HNRNPK: variants seen among roughly 807,000 people sequenced by gnomAD.
The protein encoded by HNRNPK is dC-stretch binding protein.
In HNRNPK, 7 loss-of-function variants were observed where a neutral mutation model predicts 67.0. That is an observed-to-expected ratio of 0.10 (90% CI 0.06 to 0.20). The LOEUF (loss-of-function observed/expected upper bound fraction) is 0.20. Ranked by LOEUF, HNRNPK falls within the 10% of genes least tolerant of loss-of-function variation. The pLI, the probability that HNRNPK is intolerant of heterozygous loss-of-function variation, is 1.00. For missense variants in HNRNPK, 264 were observed against 606.5 expected (o/e 0.44, Z 5.93); for synonymous variants, 213 against 193.7 (o/e 1.10, Z -0.83).
Position 83,969,254 on chromosome 9 carries a change from A to G in HNRNPK, c.*153T>C. 10 of 722,850 alleles carry G rather than the reference A, an allele frequency of 1.4e-5. No homozygotes were observed. The highest frequency in any genetic ancestry group is 2.5e-5 in the Non-Finnish European group (10 of 401,158). The allele number at this position is 722,850 out of a possible 1,614,324, so 44.8% of individuals were successfully genotyped here. On this transcript the variant is annotated 3_prime_UTR_variant, in exon 17 of 17. Transcript: ENST00000376263. Reference sequence around the variant, plus strand: ...ACAGCAAAGATTTCACTACACCTCAAATGCAGAACACCTATGAAGCAGAGG... The same window carrying G: ...ACAGCAAAGATTTCACTACACCTCAGATGCAGAACACCTATGAAGCAGAGG...
intron 1 of HNRNPK, among the ~76,000 whole-genome samples, 177 bp from the exon 2 acceptor site, chr9:83,978,629 A>G (rs1957184605): frequency 6.6e-6 from 1 of 152,182 alleles, no homozygotes; most frequent in Non-Finnish European, 1.5e-5. Context: ...AATTCAAGGG[A>G]GCCTGGTTTC....
At position 83,977,069 on chromosome 9, in the gene HNRNPK, A is replaced by T; in HGVS notation, c.157-18T>A. 6.3e-7 allele frequency: 1 copy of T among 1,596,616 alleles called. No individual in the cohort carries two copies. The highest frequency in any genetic ancestry group is 8.6e-7 in the Non-Finnish European group (1 of 1,164,474). On this transcript the variant is annotated intron_variant, in intron 4 of 16. Transcript: ENST00000376263. Reference sequence around the variant, plus strand: ...CCAGCATTCTGGAGAAGATACAAAGACAAAAAATTATTTTGCCTTTCCCTA... The same window carrying T: ...CCAGCATTCTGGAGAAGATACAAAGTCAAAAAATTATTTTGCCTTTCCCTA...
chr9:83,976,569 A>G (rs1250845179), intron 5 of HNRNPK: 1 of 154,190 alleles, frequency 6.5e-6, no homozygotes, highest in African/African-American at 2.4e-5. Flanking sequence ...GCAAGCTGTT[A>G]AAGAACAGAT....
chr9:83,970,290 T>C lies in HNRNPK; in HGVS notation c.1233A>G (p.Lys411=), dbSNP rs1325357618. The C allele has an allele frequency of 3.1e-6, 5 of 1,613,912 alleles. No homozygotes were observed. The highest frequency in any genetic ancestry group is 4.2e-6 in the Non-Finnish European group (5 of 1,179,858). Residue 411 remains lysine, a synonymous_variant, in exon 16 of 17, where the codon AAA becomes AAG. Coordinates refer to ENST00000376263, the MANE Select transcript of HNRNPK (RefSeq NM_031263.4). The stretch of plus-strand genomic sequence containing the variant: ...AAGCTCCCGACTCATGACGGATTTG[T>C]TTAATCCGCTGACCACCTTTGCCAA... The part of the protein sequence containing the change: ...SIIGKGGQRI[K]QIRHESGASI...
rs767463277 is a variant in HNRNPK at position 83,968,339 on chromosome 9, A to C, written c.*1068T>G. 1 of 152,514 alleles carries C rather than the reference A, an allele frequency of 6.6e-6. No individual in the cohort carries two copies. Among genetic ancestry groups the C allele is most frequent in the Non-Finnish European group, 1.5e-5 (1 of 68,030 alleles). The allele number at this position is 152,514 out of a possible 1,614,324, so 9.4% of individuals were successfully genotyped here. A position where few individuals can be genotyped will look rare whatever the true frequency, so the allele number is the denominator to read the frequency against. ...ATCCAACATACAACAGAGAAATGGT[A>C]CATCTTTTTCTTTCAATTTGCATAC... is the stretch of plus-strand genomic sequence containing the variant. On this transcript the variant is annotated 3_prime_UTR_variant, in exon 17 of 17. Transcript: ENST00000376263.
chr9:83,974,653 T>C (rs1186940921), intron 6 of HNRNPK, 64 bp from the exon 7 acceptor site: 1 of 1,083,090 alleles, frequency 9.2e-7, no homozygotes, highest in Non-Finnish European at 1.4e-6. Flanking sequence ...AGTTTTGTGT[T>C]TGTCACCAAA....
chr9:83,979,561 G>A (rs531589023), intron 1 of HNRNPK, among the ~76,000 whole-genome samples: 1 of 152,098 alleles, frequency 6.6e-6, no homozygotes, highest in African/African-American at 2.4e-5. Context: ...CCGGGTAACA[G>A]GACGGGAAAA....
chr9:83,976,934 A>T (rs1349626916), intron 5 of HNRNPK, 61 bp downstream of exon 5: 3 of 916,110 alleles, frequency 3.3e-6, no homozygotes, highest in Non-Finnish European at 5.1e-6. Context: ...TAAATCTTTA[A>T]ATTTCTATAG....
chr9:83,975,313 CA>C (rs1444064203), intron 6 of HNRNPK, 148 bp downstream of exon 6: 1 of 734,294 alleles, frequency 1.4e-6, no homozygotes. Flanking sequence ...AGTTCAGTGA[CA>C]AAAAGACTTA....
intron 8 of HNRNPK, 59 bp from the exon 9 acceptor site, chr9:83,973,458 T>C: frequency 2.2e-6 from 2 of 904,216 alleles, no homozygotes; most frequent in South Asian, 1.3e-5. Context: ...AATACACACT[T>C]ATCTGCTATA....
intron 8 of HNRNPK, 103 bp from the exon 9 acceptor site, chr9:83,973,502 C>A: frequency 1.4e-6 from 1 of 711,446 alleles, no homozygotes; most frequent in Non-Finnish European, 2.5e-6. Context: ...CAGTGAGCAA[C>A]CTGAATTTAT....
intron 3 of HNRNPK, 46 bp downstream of exon 3, chr9:83,978,146 TTTA>T: frequency 2.4e-6 from 3 of 1,250,998 alleles, no homozygotes; most frequent in Non-Finnish European, 3.5e-6. Flanking sequence ...AAAAAGGCAA[TTTA>T]TTAACAGGAT....
rs115207157 is a variant in HNRNPK, at chr9:83,976,785, G to T, written c.213+210C>A. On this transcript the variant is annotated intron_variant, in intron 5 of 16. Transcript: ENST00000376263. ...TGGACTCTTATTAAAATGTGAAGAG[G>T]TTTGAAAGAAACCACCCCCCCACCC... 9.5e-6 allele frequency: 4 copies of T among 418,980 alleles called. No homozygotes were observed. In the East Asian group the frequency reaches 1.4e-4, roughly 14 times the overall value. 26.0% of individuals were successfully genotyped at this position (418,980 alleles called of 1,614,324 possible).
chr9:83,974,473 C>A, intron 7 of HNRNPK, 44 bp downstream of exon 7: 1 of 925,660 alleles, frequency 1.1e-6, no homozygotes, highest in East Asian at 2.4e-5. Context: ...TTTAAACATT[C>A]CCCCCTCATA....
rs1273392466 is a variant in HNRNPK, at chr9:83,978,275, C to G, written c.-23G>C. 5.6e-6 allele frequency: 9 copies of G among 1,601,348 alleles called. No individual in the cohort carries two copies. Among genetic ancestry groups the G allele is most frequent in the Non-Finnish European group, 4.3e-6 (5 of 1,175,016 alleles). ...CATATTCTTTTATTAAACGGGCACA[C>G]CAATCTGTGGAAAAATAAAGCAGCT... On this transcript the variant is annotated 5_prime_UTR_variant, in exon 3 of 17. Transcript: ENST00000376263.
rs1956994338 is a variant in HNRNPK, at chr9:83,974,619, C to T, written c.258-30G>A. The T allele has an allele frequency of 7.2e-6, 11 of 1,517,680 alleles. 1 individual carries two copies. In the East Asian group the frequency reaches 2.5e-4, roughly 35 times the overall value. 94.0% of individuals were successfully genotyped at this position (1,517,680 alleles called of 1,614,324 possible). On this transcript the variant is annotated intron_variant, in intron 6 of 16. Coordinates refer to ENST00000376263, the MANE Select transcript of HNRNPK (RefSeq NM_031263.4). ...CAAACACCACAAATACCAGATAGTA[C>T]AAAAAAGGTGGAAAAGAAAAATGAG...
intron 10 of HNRNPK, 111 bp from the exon 11 acceptor site, chr9:83,972,300 G>A (rs1956883953): frequency 2.6e-6 from 2 of 772,354 alleles, no homozygotes; most frequent in Non-Finnish European, 4.1e-6. Flanking sequence ...CCCATCAGGA[G>A]GTACTAGAGA....
chr9:83,970,637 T>C, intron 15 of HNRNPK, 100 bp downstream of exon 15: 1 of 835,018 alleles, frequency 1.2e-6, no homozygotes, highest in Non-Finnish European at 1.9e-6. Context: ...CAATCCTAAA[T>C]GTGTATTTTT....
intron 10 of HNRNPK, 147 bp downstream of exon 10, chr9:83,972,697 A>G (rs190228885): frequency 5.4e-6 from 3 of 552,460 alleles, no homozygotes; most frequent in East Asian, 3.1e-5. Flanking sequence ...TTTTTAAATT[A>G]AAGTGATGGC....
Sources: gnomAD v4.1 joint callset for allele counts (sites outside exome capture counted in the v4.1 genomes callset) on GRCh38, gnomAD v4.1.1 for gene constraint, MANE v1.5 for transcripts, NCBI Gene and HGNC (gene_info 2026-07-23, HGNC 2026-07-21) for gene names.